Variants in NNMT observed in about 807,000 individuals in gnomAD.
NNMT encodes nicotinamide N-methyltransferase.
Under a neutral mutation model 11.7 loss-of-function variants are expected in NNMT, and 10 were observed. The ratio of observed to expected loss-of-function variants is 0.85; its 90% CI spans 0.53 to 1.45. The LOEUF (loss-of-function observed/expected upper bound fraction) is 1.45. Among genes scored for constraint, NNMT ranks in the 40% most tolerant of loss-of-function variants. The probability of loss-of-function intolerance (pLI) is 0.00; values close to 1 mark genes in which losing one functional copy is unlikely to be tolerated. For missense variants in NNMT, 381 were observed against 319.4 expected (o/e 1.19, Z -1.47); for synonymous variants, 143 against 133.8 (o/e 1.07, Z -0.48).
rs114910685 is a variant in NNMT, at chr11:114,283,205, A to G, written c.-129-13223A>G. ...CATAGGAATTCTCACACAGGTCTCT[A>G]TATGAAGGAGACATGGATGTCTCTG... On this transcript the variant is annotated intron_variant, in intron 2 of 4. Coordinates refer to the NNMT transcript ENST00000535401. Among the ~76,000 whole-genome samples, 807 of 152,278 alleles carry G rather than the reference A, an allele frequency of 5.3e-3. 10 individuals are homozygous for G. Among genetic ancestry groups the G allele is most frequent in the African/African-American group, 0.019 (771 of 41,546 alleles).
intron 2 of NNMT, among the ~76,000 whole-genome samples, chr11:114,264,611 T>C (rs1228724661): frequency 6.6e-6 from 1 of 152,118 alleles, no homozygotes; most frequent in African/African-American, 2.4e-5. Flanking sequence ...GGAGATAGCA[T>C]CAGATCCCAC....
At position 114,312,923 on chromosome 11, in the gene NNMT, C is replaced by T. The variant is rs769647884; in HGVS notation, c.*446C>T. On this transcript the variant is annotated 3_prime_UTR_variant, in exon 3 of 3. Coordinates refer to ENST00000299964, the MANE Select transcript of NNMT (RefSeq NM_006169.3). ...GAGGCTACCAAACCCTGGCCTCTGCCGCTGTTCAGGCTGCCATGTGGGTAT... is the reference window on the plus strand; with the variant it reads ...GAGGCTACCAAACCCTGGCCTCTGCTGCTGTTCAGGCTGCCATGTGGGTAT... The T allele has an allele frequency of 2.1e-4, 34 of 161,566 alleles. No individual in the cohort carries two copies. The highest frequency in any genetic ancestry group is 4.0e-4 in the Non-Finnish European group (29 of 73,188). The allele number at this position is 161,566 out of a possible 1,614,324, so 10.0% of individuals were successfully genotyped here. A position where few individuals can be genotyped will look rare whatever the true frequency, so the allele number is the denominator to read the frequency against.
chr11:114,264,627 AAGGG>A, intron 2 of NNMT, among the ~76,000 whole-genome samples: 1 of 152,272 alleles, frequency 6.6e-6, no homozygotes, highest in South Asian at 2.1e-4. Context: ...CCCACAGGTT[AAGGG>A]TTCAGTCCCA....
intron 2 of NNMT, among the ~76,000 whole-genome samples, chr11:114,264,182 T>C (rs893330563): frequency 6.6e-6 from 1 of 151,932 alleles, no homozygotes; most frequent in Non-Finnish European, 1.5e-5. Flanking sequence ...CACATCAGCA[T>C]AGAACACCTC....
At chr11:114,304,408 C>T (rs769891382) in intron 2 of NNMT, among the ~76,000 whole-genome samples, 23 of 152,216 alleles carry the variant, frequency 1.5e-4, no homozygotes, top group Non-Finnish European at 3.1e-4. Flanking sequence ...ACACTGTCCC[C>T]TCCCAATCAC....
In NNMT at chr11:114,312,330, G is replaced by C. The variant is rs750848601; in HGVS notation, c.648G>C (p.Leu216=). The part of the protein sequence containing the change: ...IGEQKFSSLP[L]GREAVEAAVK... ...AGCAGAAGTTCTCCAGCCTCCCCCT[G>C]GGCCGGGAGGCAGTAGAGGCTGCTG... The change falls in exon 3 of 3, where the codon CTG becomes CTC. Residue 216 remains leucine (L), a synonymous_variant. Coordinates refer to ENST00000299964, the MANE Select transcript of NNMT (RefSeq NM_006169.3). 2 of 1,614,192 alleles carry C rather than the reference G, an allele frequency of 1.2e-6. No homozygotes were observed. The highest frequency in any genetic ancestry group is 1.7e-6 in the Non-Finnish European group (2 of 1,180,028).
At chr11:114,294,393 G>A (rs1295605535), upstream of NNMT, among the ~76,000 whole-genome samples, 2 of 150,446 alleles carry the variant, frequency 1.3e-5, no homozygotes, top group East Asian at 2.0e-4. Flanking sequence ...CAGGAGAATC[G>A]CTGGAACCCA....
At chr11:114,297,306 T>C (rs1055248662) in intron 1 of NNMT, 7 of 152,002 alleles carry the variant, frequency 4.6e-5, no homozygotes, top group African/African-American at 1.7e-4. Flanking sequence ...GATTGGGGAA[T>C]AAAAAATGAA....
At chr11:114,287,255 C>A (rs1037536242) in intron 2 of NNMT, among the ~76,000 whole-genome samples, 3 of 152,134 alleles carry the variant, frequency 2.0e-5, no homozygotes, top group Admixed American at 6.5e-5. Context: ...AATATACTAG[C>A]ATTTACAAAT....
intron 2 of NNMT, among the ~76,000 whole-genome samples, chr11:114,311,311 C>G (rs542707792): frequency 6.6e-6 from 1 of 152,350 alleles, no homozygotes; most frequent in South Asian, 2.1e-4. Context: ...TCCTGTGCAA[C>G]AGAACAGGAC....
At chr11:114,296,280 C>A, upstream of NNMT, 2 of 327,682 alleles carry the variant, frequency 6.1e-6, no homozygotes, top group Non-Finnish European at 1.1e-5. Flanking sequence ...GCAAGCATTG[C>A]ATACAGCTCA....
intron 2 of NNMT, among the ~76,000 whole-genome samples, chr11:114,305,411 C>A (rs1945481095): frequency 6.6e-6 from 1 of 151,540 alleles, no homozygotes; most frequent in Non-Finnish European, 1.5e-5. Context: ...AGGTTTGTTA[C>A]TTATGTATAC....
At chr11:114,268,742 C>A (rs1231078217) in intron 2 of NNMT, among the ~76,000 whole-genome samples, 1 of 135,532 alleles carries the variant, frequency 7.4e-6, no homozygotes, top group Non-Finnish European at 1.5e-5. Context: ...GCACTCCAGC[C>A]TGGACGATGG....
intron 2 of NNMT, among the ~76,000 whole-genome samples, chr11:114,282,262 A>G (rs1945268054): frequency 6.6e-6 from 1 of 152,232 alleles, no homozygotes; most frequent in South Asian, 2.1e-4. Context: ...TTGTAAACAA[A>G]TACAAAAACA....
rs747653053 is a variant in NNMT at position 114,297,982 on chromosome 11, C to G, written c.186C>G (p.Ile62Met). The change falls in exon 2 of 3, where the codon ATC (isoleucine) becomes ATG (methionine). Residue 62 changes from isoleucine to methionine, a missense_variant. Transcript: ENST00000299964. Reference protein sequence around the residue: ...DGVKGDLLIDIGSGPTIYQLL... With the variant: ...DGVKGDLLIDMGSGPTIYQLL... The stretch of plus-strand genomic sequence containing the variant: ...TGAAGGGAGACCTGCTGATTGACAT[C>G]GGCTCTGGCCCCACTATCTATCAGC... 6 of 1,613,250 alleles carry G rather than the reference C, an allele frequency of 3.7e-6. No individual in the cohort carries two copies. The highest frequency in any genetic ancestry group is 5.1e-6 in the Non-Finnish European group (6 of 1,180,004).
intron 2 of NNMT, among the ~76,000 whole-genome samples, chr11:114,301,985 C>T (rs1458271125): frequency 6.6e-6 from 1 of 151,918 alleles, no homozygotes. Flanking sequence ...TTTTTAGCTG[C>T]TAAATTTTGG....
chr11:114,298,445 C>T (rs1945406413), intron 2 of NNMT: 1 of 382,834 alleles, frequency 2.6e-6, no homozygotes, highest in Non-Finnish European at 4.9e-6. Context: ...CCTTTGGGGA[C>T]AAGAGCAGTG....
intron 1 of NNMT, among the ~76,000 whole-genome samples, chr11:114,261,651 G>C (rs1945081901): frequency 6.6e-6 from 1 of 152,194 alleles, no homozygotes; most frequent in Non-Finnish European, 1.5e-5. Context: ...GCTATCCCAG[G>C]TCAGGGTAGG....
At chr11:114,261,035 ACAC>A (rs1945076363) in intron 1 of NNMT, among the ~76,000 whole-genome samples, 1 of 152,194 alleles carries the variant, frequency 6.6e-6, no homozygotes, top group Non-Finnish European at 1.5e-5. Context: ...AGCTTTCTAA[ACAC>A]CACGATGCTA....
Sources: gnomAD v4.1 joint callset for allele counts (sites outside exome capture counted in the v4.1 genomes callset) on GRCh38, gnomAD v4.1.1 for gene constraint, MANE v1.5 for transcripts, NCBI Gene and HGNC (gene_info 2026-07-23, HGNC 2026-07-21) for gene names.